NFATC3: variants seen among roughly 807,000 people sequenced by gnomAD.
The protein encoded by NFATC3 is nuclear factor of activated T cells 3, also known as nuclear factor of activated T-cells, cytoplasmic 3.
In NFATC3, 46 loss-of-function variants were observed where a neutral mutation model predicts 98.6. That is an observed-to-expected ratio of 0.47 (90% CI 0.37 to 0.60). The LOEUF (loss-of-function observed/expected upper bound fraction) is 0.60. NFATC3 is among the 20% of genes least tolerant of loss of function. The pLI is 0.00. For synonymous variants in NFATC3, 512 were observed against 472.2 expected, an observed-to-expected ratio of 1.08 and a Z score of -1.09; for missense variants, 1,256 against 1,295.5, an observed-to-expected ratio of 0.97 and a Z score of 0.47.
At chr16:68,195,622 C>CA (rs1189865024) in intron 9 of NFATC3, among the ~76,000 whole-genome samples, 1 of 152,026 alleles carries the variant, frequency 6.6e-6, no homozygotes, top group East Asian at 1.9e-4. Flanking sequence ...TCCTGGCTAA[C>CA]ACGGTGAAAC....
intron 1 of NFATC3, among the ~76,000 whole-genome samples, chr16:68,102,215 C>G (rs1203926098): frequency 6.6e-6 from 1 of 151,166 alleles, no homozygotes; most frequent in Non-Finnish European, 1.5e-5. Flanking sequence ...ACTAAAAATA[C>G]AAAAAAATTA....
At position 68,122,435 on chromosome 16, in the gene NFATC3, G is replaced by A. The variant is rs1381219455; in HGVS notation, c.552G>A (p.Ser184=). The part of the protein sequence containing the change: ...SWFSDASSCE[S]LSHIYDDVDS... ...TCTCTGATGCATCTTCTTGTGAATCGCTTTCACATATTTATGATGATGTGG... is the reference window on the plus strand; with the variant it reads ...TCTCTGATGCATCTTCTTGTGAATCACTTTCACATATTTATGATGATGTGG... Residue 184 remains serine, a synonymous_variant, in exon 2 of 10, where the codon TCG becomes TCA. Coordinates refer to ENST00000346183, the MANE Select transcript of NFATC3 (RefSeq NM_173165.3). The A allele has an allele frequency of 5.0e-6, 8 of 1,613,988 alleles. No individual in the cohort carries two copies. The African/African-American group carries it at 5.3e-5, about 11-fold the overall frequency.
intron 5 of NFATC3, among the ~76,000 whole-genome samples, chr16:68,174,080 G>C (rs1477456052): frequency 2.6e-5 from 4 of 152,212 alleles, no homozygotes; most frequent in African/African-American, 9.6e-5. Flanking sequence ...CCAGGAACTG[G>C]AGGCTGCAGG....
chr16:68,152,356 G>A lies in NFATC3; in HGVS notation c.1402-5513G>A, dbSNP rs866865101. Among the ~76,000 whole-genome samples the A allele has an allele frequency of 4.8e-5, 7 of 145,350 alleles. No homozygotes were observed. The Middle Eastern group carries it at 0.014, about 292-fold the overall frequency. ...ATCACGCCACAGCACTGCAGCCTGG[G>A]CAACAGAGCGAGACTCTGTCTCAAA... is the stretch of plus-strand genomic sequence containing the variant. On this transcript the variant is annotated intron_variant, in intron 3 of 9. Transcript: ENST00000346183.
At chr16:68,092,726 T>TA (rs200132710) in intron 1 of NFATC3, among the ~76,000 whole-genome samples, 4 of 151,850 alleles carry the variant, frequency 2.6e-5, no homozygotes, top group Non-Finnish European at 5.9e-5. Flanking sequence ...CCCTGTTTCT[T>TA]AAAAACAAAA....
At chr16:68,089,028 C>G in intron 1 of NFATC3, 2 of 985,374 alleles carry the variant, frequency 2.0e-6, no homozygotes, top group African/African-American at 1.7e-5. Context: ...ACTGCTCTTT[C>G]GTGGTAGAGG....
intron 1 of NFATC3, among the ~76,000 whole-genome samples, chr16:68,110,923 T>C (rs1197123981): frequency 6.6e-6 from 1 of 152,226 alleles, no homozygotes; most frequent in African/African-American, 2.4e-5. Context: ...CCAGAAGTCA[T>C]TCAGGGGCAG....
At position 68,126,337 on chromosome 16, in the gene NFATC3, A is replaced by G. The variant is rs570288298; in HGVS notation, c.1239-111A>G. The G allele has an allele frequency of 8.2e-4, 805 of 976,268 alleles. 1 individual carries two copies. Among genetic ancestry groups the G allele is most frequent in the Non-Finnish European group, 1.1e-3 (710 of 664,340 alleles). 60.5% of individuals were successfully genotyped at this position (976,268 alleles called of 1,614,324 possible). ...TAAATGAAGTTTTATTTTGTAATAC[A>G]TTGTTTCAAAGATCAAAGGAAGAAA... is the stretch of plus-strand genomic sequence containing the variant. On this transcript the variant is annotated intron_variant, in intron 2 of 9. Coordinates refer to ENST00000346183, the MANE Select transcript of NFATC3 (RefSeq NM_173165.3).
chr16:68,141,520 C>T (rs748057923), intron 3 of NFATC3, among the ~76,000 whole-genome samples: 4 of 152,042 alleles, frequency 2.6e-5, no homozygotes, highest in Non-Finnish European at 5.9e-5. Flanking sequence ...TGGAGGAAGG[C>T]GGTATCTCAT....
intron 1 of NFATC3, among the ~76,000 whole-genome samples, chr16:68,106,321 T>C (rs2035652920): frequency 1.3e-5 from 2 of 151,738 alleles, no homozygotes; most frequent in Non-Finnish European, 2.9e-5. Context: ...AGATGGAGTT[T>C]CACTCTAGTT....
intron 3 of NFATC3, among the ~76,000 whole-genome samples, chr16:68,145,317 G>GT (rs201845231): frequency 0.038 from 5,752 of 151,942 alleles, 119 homozygotes; most frequent in Middle Eastern, 0.15. Flanking sequence ...CTATTTTTAT[G>GT]TTTTTTGTAG....
At chr16:68,091,123 T>C (rs2034685378) in intron 1 of NFATC3, among the ~76,000 whole-genome samples, 1 of 152,212 alleles carries the variant, frequency 6.6e-6, no homozygotes, top group Non-Finnish European at 1.5e-5. Flanking sequence ...TAGGTGTTCC[T>C]ATTTGCCAAT....
chr16:68,135,888 C>T (rs1294627085), intron 3 of NFATC3, among the ~76,000 whole-genome samples: 2 of 151,626 alleles, frequency 1.3e-5, no homozygotes, highest in Non-Finnish European at 3.0e-5. Flanking sequence ...CACCGTGAAA[C>T]CCCCACTCTA....
chr16:68,122,465 A>T lies in NFATC3; in HGVS notation c.582A>T (p.Ser194=), dbSNP rs2036619997. ...CACATATTTATGATGATGTGGACTC[A>T]GAGTTGAATGAAGCTGCAGCCCGAT... ...SLSHIYDDVD[S]ELNEAAARFT... is the part of the protein sequence containing the mutation. The change falls in exon 2 of 10, where the codon TCA becomes TCT. Residue 194 remains serine (S), a synonymous_variant. Transcript: ENST00000346183. 6.2e-7 allele frequency: 1 copy of T among 1,613,984 alleles called. No individual in the cohort carries two copies.
chr16:68,207,429 G>C (rs1352234859), intron 9 of NFATC3, among the ~76,000 whole-genome samples: 1 of 152,008 alleles, frequency 6.6e-6, no homozygotes, highest in East Asian at 1.9e-4. Flanking sequence ...GTGTGTTTAC[G>C]TAAGAGTGGA....
intron 1 of NFATC3, among the ~76,000 whole-genome samples, chr16:68,086,396 TAGTG>T (rs948547529): frequency 2.0e-5 from 3 of 152,140 alleles, no homozygotes; most frequent in African/African-American, 7.2e-5. Flanking sequence ...TTTTTTTTAA[TAGTG>T]GGTTGCTTTT....
At chr16:68,187,208 C>T (rs543316491) in intron 8 of NFATC3, among the ~76,000 whole-genome samples, 1 of 152,324 alleles carries the variant, frequency 6.6e-6, no homozygotes, top group East Asian at 1.9e-4. Context: ...CCGCAGGCAG[C>T]TTCCATGGCT....
Position 68,228,728 on chromosome 16 carries a change from T to C in NFATC3, c.*2257T>C, listed in dbSNP as rs1035104056. On this transcript the variant is annotated 3_prime_UTR_variant, in exon 10 of 10. Coordinates refer to ENST00000346183, the MANE Select transcript of NFATC3 (RefSeq NM_173165.3). ...GTTAAAGCACACATCCATTGGACTA[T>C]GCAAATCAATTTCTACTAGCAGCAC... The C allele has an allele frequency of 6.6e-6, 1 of 152,654 alleles. No individual in the cohort carries two copies. The highest frequency in any genetic ancestry group is 6.5e-5 in the Admixed American group (1 of 15,290). 9.5% of individuals were successfully genotyped at this position (152,654 alleles called of 1,614,324 possible). A position where few individuals can be genotyped will look rare whatever the true frequency, so the allele number is the denominator to read the frequency against.
intron 1 of NFATC3, among the ~76,000 whole-genome samples, chr16:68,112,472 T>C (rs934732510): frequency 1.3e-5 from 2 of 151,232 alleles, no homozygotes; most frequent in African/African-American, 2.4e-5. Context: ...GAGATGGGGT[T>C]TCACCATCTT....
Sources: allele counts gnomAD v4.1 joint callset (sites outside exome capture counted in the v4.1 genomes callset), GRCh38; gene constraint gnomAD v4.1.1; transcripts MANE v1.5; gene names NCBI Gene and HGNC (gene_info 2026-07-23, HGNC 2026-07-21).